Variants in RASGRP3 observed in about 807,000 individuals in gnomAD.
RASGRP3 encodes the protein ras guanyl-releasing protein 3.
A neutral mutation model predicts 82.7 loss-of-function variants in RASGRP3; 54 were observed. The observed-to-expected ratio is 0.65, with a 90% CI of 0.52 to 0.82. The LOEUF (loss-of-function observed/expected upper bound fraction) is 0.82, where lower values mean the gene tolerates loss of function less well. Among genes scored for constraint, RASGRP3 ranks in the 40% least tolerant of loss-of-function variants. RASGRP3 has a pLI of 0.00. For missense variants in RASGRP3, 861 were observed against 828.9 expected, an observed-to-expected ratio of 1.04 and a Z score of -0.48; for synonymous variants, 309 against 300.5, an observed-to-expected ratio of 1.03 and a Z score of -0.29.
intron 12 of RASGRP3, among the ~76,000 whole-genome samples, chr2:33,542,985 G>A (rs566986895): frequency 5.9e-5 from 9 of 152,112 alleles, no homozygotes; most frequent in Admixed American, 3.9e-4. Flanking sequence ...GAGCCACCGC[G>A]CCCAGCCGAA....
intron 1 of RASGRP3, among the ~76,000 whole-genome samples, chr2:33,480,136 G>T (rs1667761824): frequency 6.8e-6 from 1 of 147,372 alleles, no homozygotes; most frequent in Non-Finnish European, 1.5e-5. Context: ...TCCGCCTCCA[G>T]GATTCACACC....
At chr2:33,466,223 A>G (rs1207519992) in intron 2 of RASGRP3, among the ~76,000 whole-genome samples, 8 of 152,244 alleles carry the variant, frequency 5.3e-5, no homozygotes, top group Non-Finnish European at 1.0e-4. Flanking sequence ...GAGTAAATTG[A>G]AAGGAGCAGA....
Position 33,553,468 on chromosome 2 carries a change from T to C in RASGRP3, c.1543-2063T>C, listed in dbSNP as rs574874356. On this transcript the variant is annotated intron_variant, in intron 14 of 17. Transcript: ENST00000403687. ...TTAACTATCATCATTATTATTGCTA[T>C]TATCATTACCAAGGGCTCCAGAGAA... Among the ~76,000 whole-genome samples the C allele has an allele frequency of 3.3e-5, 5 of 152,280 alleles. No individual in the cohort carries two copies. In the East Asian group the frequency reaches 9.7e-4, roughly 29 times the overall value.
chr2:33,540,561 TGTGTGTGTGTG>T (rs1407514262), intron 12 of RASGRP3, among the ~76,000 whole-genome samples: 17,149 of 117,710 alleles, frequency 0.15, 2,443 homozygotes, highest in Admixed American at 0.18. Flanking sequence ...GTGTTTTGTG[TGTGTGTGTGTG>T]TGTGTGTGTG....
chr2:33,448,395 C>T (rs1665612382), intron 2 of RASGRP3, among the ~76,000 whole-genome samples: 2 of 152,076 alleles, frequency 1.3e-5, no homozygotes, highest in South Asian at 2.1e-4. Flanking sequence ...GAAAGGCAGA[C>T]ACAACCAGAC....
chr2:33,438,414 T>C (rs1281678854), intron 1 of RASGRP3, among the ~76,000 whole-genome samples: 1 of 151,980 alleles, frequency 6.6e-6, no homozygotes, highest in Non-Finnish European at 1.5e-5. Context: ...TATACAAAAT[T>C]AGCTGGGCGT....
intron 10 of RASGRP3, among the ~76,000 whole-genome samples, chr2:33,529,693 G>C (rs1313742649): frequency 1.3e-5 from 2 of 152,064 alleles, no homozygotes; most frequent in East Asian, 3.9e-4. Flanking sequence ...GTGAGACCTT[G>C]CTTTCAGCCT....
At chr2:33,489,323 G>T (rs1463047316) in intron 1 of RASGRP3, among the ~76,000 whole-genome samples, 1 of 152,200 alleles carries the variant, frequency 6.6e-6, no homozygotes, top group African/African-American at 2.4e-5. Context: ...CTGCTGAGCA[G>T]TAAGTGATGA....
At chr2:33,481,556 T>C (rs1161193838) in intron 1 of RASGRP3, 3 of 152,184 alleles carry the variant, frequency 2.0e-5, no homozygotes, top group Non-Finnish European at 2.9e-5. Context: ...TAAAAAGTTG[T>C]GTAATTTGTA....
chr2:33,549,155 C>T (rs143775293), intron 13 of RASGRP3, among the ~76,000 whole-genome samples: 1 of 152,088 alleles, frequency 6.6e-6, no homozygotes, highest in African/African-American at 2.4e-5. Context: ...GAAAATATCA[C>T]CAAGGAGCCC....
intron 2 of RASGRP3, among the ~76,000 whole-genome samples, chr2:33,512,476 T>A (rs775973556): frequency 6.6e-6 from 1 of 152,220 alleles, no homozygotes; most frequent in South Asian, 2.1e-4. Flanking sequence ...AGGGTACTGA[T>A]AGAGTTTACA....
intron 1 of RASGRP3, among the ~76,000 whole-genome samples, chr2:33,491,376 A>C (rs977043167): frequency 6.6e-6 from 1 of 152,174 alleles, no homozygotes; most frequent in Non-Finnish European, 1.5e-5. Flanking sequence ...AAAAAGAAAC[A>C]AGATACTGTT....
chr2:33,479,355 C>T (rs914837605), intron 1 of RASGRP3, among the ~76,000 whole-genome samples: 8 of 152,114 alleles, frequency 5.3e-5, no homozygotes, highest in Admixed American at 4.6e-4. Flanking sequence ...GCTCCCATGC[C>T]CCTTCTGGCC....
At chr2:33,525,107 A>AG (rs1672410406) in intron 9 of RASGRP3, among the ~76,000 whole-genome samples, 2 of 150,128 alleles carry the variant, frequency 1.3e-5, no homozygotes, top group Non-Finnish European at 1.5e-5. Context: ...AAAAAAAAAA[A>AG]AAAAACTCAA....
At chr2:33,467,109 T>A (rs1666742436) in intron 2 of RASGRP3, among the ~76,000 whole-genome samples, 1 of 152,060 alleles carries the variant, frequency 6.6e-6, no homozygotes, top group Admixed American at 6.6e-5. Flanking sequence ...TTATATATAA[T>A]AATTATGATT....
chr2:33,471,301 A>T (rs973284980), intron 2 of RASGRP3, among the ~76,000 whole-genome samples: 2 of 128,576 alleles, frequency 1.6e-5, no homozygotes, highest in Non-Finnish European at 3.7e-5. Flanking sequence ...TCATCCTCCC[A>T]GGTTGGTAGG....
intron 1 of RASGRP3, among the ~76,000 whole-genome samples, chr2:33,501,287 G>A (rs1669854231): frequency 6.6e-6 from 1 of 152,120 alleles, no homozygotes; most frequent in South Asian, 2.1e-4. Flanking sequence ...ATATTCCATT[G>A]TATGGAGATA....
chr2:33,523,758 G>A, intron 7 of RASGRP3, 121 bp from the exon 8 acceptor site: 1 of 1,050,916 alleles, frequency 9.5e-7, no homozygotes, highest in Non-Finnish European at 1.4e-6. Context: ...CATTGTAAAT[G>A]TGAAATAAAA....
Position 33,546,020 on chromosome 2 carries a change from G to A in RASGRP3, c.1394+2393G>A, listed in dbSNP as rs374071625. Among the ~76,000 whole-genome samples, 9 of 151,828 alleles carry A rather than the reference G, an allele frequency of 5.9e-5. No homozygotes were observed. In the South Asian group the frequency reaches 1.2e-3, roughly 21 times the overall value. On this transcript the variant is annotated intron_variant, in intron 13 of 17. Transcript: ENST00000403687. ...AAACGAGGTTTCATCATGTTGGCCAGGCTGTTCTTGAACTCCTGAACTCAG... is the reference window on the plus strand; with the variant it reads ...AAACGAGGTTTCATCATGTTGGCCAAGCTGTTCTTGAACTCCTGAACTCAG...
Sources: gnomAD v4.1 joint callset for allele counts (sites outside exome capture counted in the v4.1 genomes callset) on GRCh38, gnomAD v4.1.1 for gene constraint, MANE v1.5 for transcripts, NCBI Gene and HGNC (gene_info 2026-07-23, HGNC 2026-07-21) for gene names.